WDCP: variants seen among roughly 807,000 people sequenced by gnomAD.
WDCP encodes WD repeat and coiled coil containing.
A neutral mutation model predicts 41.6 loss-of-function variants in WDCP; 19 were observed. The ratio of observed to expected loss-of-function variants is 0.46; its 90% CI spans 0.32 to 0.67. The LOEUF (loss-of-function observed/expected upper bound fraction) is 0.67. Ranked by LOEUF, WDCP falls within the 30% of genes least tolerant of loss-of-function variation. WDCP has a pLI of 0.04. For missense variants in WDCP, 802 were observed against 850.7 expected (o/e 0.94, Z 0.71); for synonymous variants, 302 against 320.8 (o/e 0.94, Z 0.63).
intron 2 of WDCP, among the ~76,000 whole-genome samples, chr2:24,037,427 G>A (rs1459908620): frequency 6.6e-6 from 1 of 152,172 alleles, no homozygotes; most frequent in Non-Finnish European, 1.5e-5. Context: ...GCCCGAATTA[G>A]TGCAGACATT....
At chr2:24,039,744 T>C (rs1663366564) in intron 1 of WDCP, among the ~76,000 whole-genome samples, 1 of 152,138 alleles carries the variant, frequency 6.6e-6, no homozygotes, top group African/African-American at 2.4e-5. Flanking sequence ...TTTTTAGAAC[T>C]GGGGAAATCT....
Position 24,037,524 on chromosome 2 carries a change from C to T in WDCP, c.1818+153G>A, listed in dbSNP as rs114984909. On this transcript the variant is annotated intron_variant, in intron 2 of 3. Transcript: ENST00000295148. Reference sequence around the variant, plus strand: ...GTTGGCAGGCTAAAAACCAACCAACCTGCAAAGGTGTACCAACTTGCCTGT... The same window carrying T: ...GTTGGCAGGCTAAAAACCAACCAACTTGCAAAGGTGTACCAACTTGCCTGT... Among the ~76,000 whole-genome samples, 1,057 of 152,328 alleles carry T rather than the reference C, an allele frequency of 6.9e-3. 2 individuals carry two copies. Among genetic ancestry groups the T allele is most frequent in the Non-Finnish European group, 9.9e-3 (675 of 68,038 alleles).
In WDCP at chr2:24,030,901, T is replaced by G. The variant is rs1663080306; in HGVS notation, c.*32A>C. The G allele has an allele frequency of 6.5e-7, 1 of 1,537,716 alleles. No individual in the cohort carries two copies. Among genetic ancestry groups the G allele is most frequent in the African/African-American group, 1.4e-5 (1 of 73,162 alleles). The stretch of plus-strand genomic sequence containing the variant: ...AGGCCTTGTTTGTAATGGTCTCATC[T>G]GAAGAGCTACACAGCAAGGACACTG... On this transcript the variant is annotated 3_prime_UTR_variant, in exon 4 of 4. Coordinates refer to ENST00000295148, the MANE Select transcript of WDCP (RefSeq NM_025203.3).
rs1474433360 is a variant in WDCP at position 24,038,264 on chromosome 2, T to C, written c.1231A>G (p.Thr411Ala). Residue 411 changes from threonine (T) to alanine (A), a missense_variant, in exon 2 of 4, where the codon ACA becomes GCA. Physicochemically the swap from Thr to Ala is moderately conservative, Grantham distance 58. Transcript: ENST00000295148. ...GACTTTGAAGAAGGAAGAAATGTTG[T>C]ATCAGTGAGTTTTTGTTTTCCTACC... ...ILVGKQKLTD[T>A]TFLPSSKSDQ... The C allele has an allele frequency of 1.9e-6, 3 of 1,614,156 alleles. No homozygotes were observed. Among genetic ancestry groups the C allele is most frequent in the South Asian group, 1.1e-5 (1 of 91,078 alleles).
rs963689649 is a variant in WDCP at position 24,029,398 on chromosome 2, A to C, written c.*1535T>G. 4.6e-5 allele frequency: 7 copies of C among 152,244 alleles called. No individual in the cohort carries two copies. The highest frequency in any genetic ancestry group is 1.7e-4 in the African/African-American group (7 of 41,458). 9.4% of individuals were successfully genotyped at this position (152,244 alleles called of 1,614,324 possible). A position where few individuals can be genotyped will look rare whatever the true frequency, so the allele number is the denominator to read the frequency against. On this transcript the variant is annotated 3_prime_UTR_variant, in exon 4 of 4. Transcript: ENST00000295148. ...TTATTCACAGTATTTTGACCTGAGA[A>C]ATGGTGATTTTAACATACCCTTTTA...
intron 3 of WDCP, among the ~76,000 whole-genome samples, chr2:24,032,143 G>T (rs1388992562): frequency 6.6e-6 from 1 of 152,118 alleles, no homozygotes; most frequent in Non-Finnish European, 1.5e-5. Flanking sequence ...AGGCCAAGGT[G>T]GACGGATCAC....
chr2:24,034,551 G>A (rs1383238665), intron 2 of WDCP, among the ~76,000 whole-genome samples: 1 of 150,570 alleles, frequency 6.6e-6, no homozygotes, highest in Non-Finnish European at 1.5e-5. Flanking sequence ...CTAAAAAACT[G>A]AGGAATTGAA....
At chr2:24,036,463 TA>T (rs147446382) in intron 2 of WDCP, among the ~76,000 whole-genome samples, 23,340 of 152,212 alleles carry the variant, frequency 0.15, 2,051 homozygotes, top group South Asian at 0.2. Context: ...GACAGCCTTA[TA>T]CATAGCTGGC....
At chr2:24,046,766 C>T (rs1364020755) in intron 1 of WDCP, among the ~76,000 whole-genome samples, 1 of 152,104 alleles carries the variant, frequency 6.6e-6, no homozygotes, top group East Asian at 1.9e-4. Flanking sequence ...AACATTCATC[C>T]AAAGAAAATT....
At position 24,038,554 on chromosome 2, in the gene WDCP, T is replaced by C. The variant is rs754443367; in HGVS notation, c.941A>G (p.Gln314Arg). The change falls in exon 2 of 4, where the codon CAA (glutamine) becomes CGA (arginine). Residue 314 changes from glutamine to arginine, a missense_variant. Physicochemically the swap from Gln to Arg is conservative, Grantham distance 43. Coordinates refer to ENST00000295148, the MANE Select transcript of WDCP (RefSeq NM_025203.3). ...RKKDYLTGTGQDSSHLVLVTF... is the reference protein window; with the variant it reads ...RKKDYLTGTGRDSSHLVLVTF... ...CACAAGGACCAAATGTGAAGAATCT[T>C]GGCCAGTTCCTGTCAAGTAGTCCTT... 7 of 1,614,128 alleles carry C rather than the reference T, an allele frequency of 4.3e-6. No individual in the cohort carries two copies. In the African/African-American group the frequency reaches 8.0e-5, roughly 18 times the overall value.
At position 24,039,430 on chromosome 2, in the gene WDCP, G is replaced by C. The variant is rs370547599; in HGVS notation, c.65C>G (p.Pro22Arg). ...GLNALHQAVH[P>R]IHGLAWTDGN... ...ATCGGTCCAGGCAAGGCCATGGATC[G>C]GATGCACTGCTTGATGCAACGCATT... Residue 22 changes from proline (P) to arginine (R), a missense_variant, in exon 2 of 4, where the codon CCG becomes CGG. By Grantham distance (103) the Pro-to-Arg change is moderately radical (BLOSUM62 -2). Transcript: ENST00000295148. 6.2e-7 allele frequency: 1 copy of C among 1,614,210 alleles called. No homozygotes were observed. The highest frequency in any genetic ancestry group is 2.2e-5 in the East Asian group (1 of 44,892).
chr2:24,044,060 G>A (rs1157842389), intron 1 of WDCP, among the ~76,000 whole-genome samples: 1 of 152,108 alleles, frequency 6.6e-6, no homozygotes, highest in African/African-American at 2.4e-5. Flanking sequence ...ATCTACTTAT[G>A]TACTTTAAAA....
At position 24,038,303 on chromosome 2, in the gene WDCP, G is replaced by A. The variant is rs759539063; in HGVS notation, c.1192C>T (p.Leu398=). 1 of 1,614,166 alleles carries A rather than the reference G, an allele frequency of 6.2e-7. No individual in the cohort carries two copies. The highest frequency in any genetic ancestry group is 8.5e-7 in the Non-Finnish European group (1 of 1,180,020). Residue 398 remains leucine, a synonymous_variant, in exon 2 of 4, where the codon CTA becomes TTA. Coordinates refer to ENST00000295148, the MANE Select transcript of WDCP (RefSeq NM_025203.3). The part of the protein sequence containing the change: ...PKGICFLTDQ[L]LLILVGKQKL... Reference sequence around the variant, plus strand: ...TGTTTTCCTACCAAAATTAGTAATAGTTGGTCTGTCAAGAAACATATCCCT... The same window carrying A: ...TGTTTTCCTACCAAAATTAGTAATAATTGGTCTGTCAAGAAACATATCCCT...
Position 24,038,757 on chromosome 2 carries a change from C to T in WDCP, c.738G>A (p.Met246Ile). The stretch of plus-strand genomic sequence containing the variant: ...CAATAACTGGTAAAGCATACGGAGT[C>T]ATGTCTTTACTGTTAGGTGGGATAT... Reference protein sequence around the residue: ...TFNIPPNSKDMTPYALPVIGE... With the variant: ...TFNIPPNSKDITPYALPVIGE... The change falls in exon 2 of 4, where the codon ATG becomes ATA. Residue 246 changes from methionine to isoleucine, a missense_variant. Met to Ile is a conservative substitution (Grantham distance 10). Coordinates refer to ENST00000295148, the MANE Select transcript of WDCP (RefSeq NM_025203.3). 1 of 1,614,136 alleles carries T rather than the reference C, an allele frequency of 6.2e-7. No homozygotes were observed.
intron 1 of WDCP, chr2:24,045,863 G>A (rs1174819540): frequency 1.3e-5 from 2 of 152,038 alleles, no homozygotes; most frequent in Non-Finnish European, 2.9e-5. Context: ...CATATACTAA[G>A]ACTGAAATGA....
chr2:24,037,750 A>G lies in WDCP; in HGVS notation c.1745T>C (p.Leu582Pro). The G allele has an allele frequency of 1.2e-6, 2 of 1,614,272 alleles. No homozygotes were observed. The highest frequency in any genetic ancestry group is 1.7e-6 in the Non-Finnish European group (2 of 1,180,042). Residue 582 changes from leucine (L) to proline (P), a missense_variant, in exon 2 of 4, where the codon CTG (leucine) becomes CCG (proline). Leu to Pro is a moderately conservative substitution (Grantham distance 98). Transcript: ENST00000295148. ...QRCLSELTNR[L>P]HNGKKSSSVY... Reference sequence around the variant, plus strand: ...TGAAGAGGATTTCTTCCCATTATGCAGACGGTTTGTAAGTTCAGAAAGACA... The same window carrying G: ...TGAAGAGGATTTCTTCCCATTATGCGGACGGTTTGTAAGTTCAGAAAGACA...
At chr2:24,031,188 C>T in intron 3 of WDCP, 26 bp from the exon 4 acceptor site, 1 of 1,527,102 alleles carries the variant, frequency 6.5e-7, no homozygotes, top group South Asian at 1.1e-5. Context: ...AATACACAGG[C>T]AATTTAGTAT....
intron 2 of WDCP, among the ~76,000 whole-genome samples, chr2:24,036,511 G>C (rs1354486753): frequency 6.6e-6 from 1 of 152,168 alleles, no homozygotes; most frequent in Non-Finnish European, 1.5e-5. Context: ...AAAAATCTTT[G>C]AGAGGCAATC....
intron 1 of WDCP, among the ~76,000 whole-genome samples, chr2:24,045,552 G>A (rs984710919): frequency 1.4e-5 from 2 of 143,154 alleles, no homozygotes; most frequent in South Asian, 4.6e-4. Context: ...AGTGAGCCGA[G>A]TTTGCGCCAC....
Sources: gnomAD v4.1 joint callset for allele counts (sites outside exome capture counted in the v4.1 genomes callset) on GRCh38, gnomAD v4.1.1 for gene constraint, MANE v1.5 for transcripts, NCBI Gene and HGNC (gene_info 2026-07-23, HGNC 2026-07-21) for gene names.